The following SLIT2 variants were observed in gnomAD, a reference collection of about 807,000 sequenced individuals.
The protein encoded by SLIT2 is slit guidance ligand 2.
In SLIT2, 41 loss-of-function variants were observed where a neutral mutation model predicts 185.7. The observed-to-expected ratio is 0.22, with a 90% CI of 0.17 to 0.29. The LOEUF (loss-of-function observed/expected upper bound fraction) is 0.29, where lower values mean the gene tolerates loss of function less well. Among genes scored for constraint, SLIT2 ranks in the 10% least tolerant of loss-of-function variants. SLIT2 has a pLI of 1.00. For synonymous variants in SLIT2, 693 were observed against 680.2 expected (o/e 1.02, Z -0.29); for missense variants, 1,571 against 1,909.0 (o/e 0.82, Z 3.30).
At position 20,496,982 on chromosome 4, in the gene SLIT2, A is replaced by T. The variant is rs149632755; in HGVS notation, c.914+5083A>T. Among the ~76,000 whole-genome samples the T allele has an allele frequency of 1.0e-3, 159 of 152,300 alleles. 1 individual carries two copies. The highest frequency in any genetic ancestry group is 3.6e-3 in the African/African-American group (150 of 41,574). ...TAGAATTTTTAATAGCATGGGCCAAAATGGGTCTAGAATGCTAAAAATTCA... is the reference window on the plus strand; with the variant it reads ...TAGAATTTTTAATAGCATGGGCCAATATGGGTCTAGAATGCTAAAAATTCA... On this transcript the variant is annotated intron_variant, in intron 9 of 36. Transcript: ENST00000504154.
chr4:20,390,421 AATAATACAGAG>A, intron 4 of SLIT2, among the ~76,000 whole-genome samples: 2 of 152,144 alleles, frequency 1.3e-5, no homozygotes. Flanking sequence ...TGATAGGAAA[AATAATACAGAG>A]ATAACATTAG....
Position 20,618,925 on chromosome 4 carries a change from C to T in SLIT2, c.4506C>T (p.Tyr1502=), listed in dbSNP as rs1380212472. Residue 1502 remains tyrosine, a synonymous_variant, in exon 37 of 37, where the codon TAC becomes TAT. Transcript: ENST00000504154. ...CGPLRSKRRK[Y]SFECTDGSSF... ...CGCTGAGGAGCAAGCGGCGGAAATA[C>T]TCTTTCGAATGCACTGACGGCTCCT... 1 of 1,614,082 alleles carries T rather than the reference C, an allele frequency of 6.2e-7. No homozygotes were observed. Among genetic ancestry groups the T allele is most frequent in the East Asian group, 2.2e-5 (1 of 44,838 alleles).
At chr4:20,597,527 G>A (rs1162122522) in intron 32 of SLIT2, among the ~76,000 whole-genome samples, 1 of 152,146 alleles carries the variant, frequency 6.6e-6, no homozygotes, top group African/African-American at 2.4e-5. Context: ...AATAAATATA[G>A]TGTACATGGG....
intron 33 of SLIT2, among the ~76,000 whole-genome samples, chr4:20,599,726 G>A (rs533033624): frequency 1.1e-3 from 162 of 152,184 alleles, no homozygotes; most frequent in African/African-American, 3.7e-3. Context: ...AGATATCAGT[G>A]TGCATTTTTA....
chr4:20,287,403 A>G (rs973458872), intron 4 of SLIT2, among the ~76,000 whole-genome samples: 4 of 152,114 alleles, frequency 2.6e-5, no homozygotes, highest in Non-Finnish European at 5.9e-5. Flanking sequence ...TCTTCCCTGG[A>G]GTGTTTCTTC....
chr4:20,391,298 A>G (rs1478672865), intron 4 of SLIT2, among the ~76,000 whole-genome samples: 1 of 152,066 alleles, frequency 6.6e-6, no homozygotes, highest in Non-Finnish European at 1.5e-5. Flanking sequence ...GATATTCCTG[A>G]TGCATGAAAT....
chr4:20,290,827 T>C (rs1458471734), intron 4 of SLIT2, among the ~76,000 whole-genome samples: 1 of 152,112 alleles, frequency 6.6e-6, no homozygotes, highest in Admixed American at 6.5e-5. Flanking sequence ...TATCTTATTT[T>C]TTTCTGTATC....
intron 3 of SLIT2, 52 bp downstream of exon 3, chr4:20,257,991 A>C: frequency 1.1e-6 from 1 of 884,714 alleles, no homozygotes; most frequent in Admixed American, 2.3e-5. Context: ...TTTTTTAAAA[A>C]TACTTAAATT....
intron 4 of SLIT2, among the ~76,000 whole-genome samples, chr4:20,307,243 C>CTTCCTTCCTTCT (rs1358533720): frequency 2.2e-5 from 3 of 134,114 alleles, no homozygotes; most frequent in Non-Finnish European, 1.6e-5. Flanking sequence ...TCCTTCCTTC[C>CTTCCTTCCTTCT]TTCCTTCCTT....
intron 4 of SLIT2, among the ~76,000 whole-genome samples, chr4:20,304,809 C>A (rs1042777910): frequency 2.0e-5 from 3 of 152,114 alleles, no homozygotes; most frequent in African/African-American, 7.2e-5. Context: ...ACTGCCCACT[C>A]ACACCACAGA....
Position 20,589,718 on chromosome 4 carries a change from C to G in SLIT2, c.3163C>G (p.Leu1055Val), listed in dbSNP as rs1341302880. The change falls in exon 30 of 37, where the codon CTA (leucine) becomes GTA (valine). Residue 1055 changes from leucine (L) to valine (V), a missense_variant. Physicochemically the swap from Leu to Val is conservative, Grantham distance 32. Transcript: ENST00000504154. The stretch of plus-strand genomic sequence containing the variant: ...CTGCCAGCACGATTCAAAGTGCATC[C>G]TAACTCCAAAGGGATTCAAGTAAGT... ...NPCQHDSKCI[L>V]TPKGFKCDCT... 6.2e-7 allele frequency: 1 copy of G among 1,613,470 alleles called. No homozygotes were observed. Among genetic ancestry groups the G allele is most frequent in the Non-Finnish European group, 8.5e-7 (1 of 1,179,748 alleles).
chr4:20,491,976 G>C, intron 9 of SLIT2, 77 bp downstream of exon 9: 2 of 1,450,806 alleles, frequency 1.4e-6, no homozygotes, highest in Non-Finnish European at 1.9e-6. Flanking sequence ...GAAATTCTGA[G>C]TTTATCGAAG....
intron 33 of SLIT2, among the ~76,000 whole-genome samples, chr4:20,607,173 A>G (rs1027558726): frequency 2.8e-4 from 43 of 152,192 alleles, no homozygotes; most frequent in African/African-American, 1.0e-3. Context: ...TTCTCTTAAA[A>G]GGAAGAAAAA....
intron 9 of SLIT2, among the ~76,000 whole-genome samples, chr4:20,509,012 ACGCGTGTGTGTGTG>A (rs1473813414): frequency 6.6e-6 from 1 of 151,470 alleles, no homozygotes; most frequent in African/African-American, 2.4e-5. Flanking sequence ...ATTAAATGTT[ACGCGTGTGTGTGTG>A]CATGTGTGTG....
At chr4:20,411,878 G>A (rs905002625) in intron 4 of SLIT2, among the ~76,000 whole-genome samples, 12 of 152,126 alleles carry the variant, frequency 7.9e-5, no homozygotes, top group African/African-American at 1.7e-4. Flanking sequence ...CCTTGCCAGC[G>A]CAGGAAAGTG....
chr4:20,389,682 A>G (rs911437076), intron 4 of SLIT2, among the ~76,000 whole-genome samples: 1 of 152,122 alleles, frequency 6.6e-6, no homozygotes, highest in African/African-American at 2.4e-5. Flanking sequence ...CATAAGACTT[A>G]TCTGCAGCCA....
At chr4:20,462,004 T>G (rs2148731270) in intron 4 of SLIT2, among the ~76,000 whole-genome samples, 1 of 152,020 alleles carries the variant, frequency 6.6e-6, no homozygotes, top group South Asian at 2.1e-4. Flanking sequence ...TGGGGTGGTT[T>G]TGGGAATGAA....
chr4:20,331,907 T>TAGCAAATATTTTCAATGTTCTTTC (rs1300643751), intron 4 of SLIT2, among the ~76,000 whole-genome samples: 3 of 152,180 alleles, frequency 2.0e-5, no homozygotes, highest in Admixed American at 6.5e-5. Context: ...TTCTTTCACT[T>TAGCAAATATTTTCAATGTTCTTTC]AGCAAATATT....
At chr4:20,519,274 T>G in intron 11 of SLIT2, 108 bp from the exon 12 acceptor site, 1 of 670,566 alleles carries the variant, frequency 1.5e-6, no homozygotes, top group Non-Finnish European at 2.6e-6. Flanking sequence ...ACTTTTATGA[T>G]GTATTGATTG....
Sources: allele counts gnomAD v4.1 joint callset (sites outside exome capture counted in the v4.1 genomes callset), GRCh38; gene constraint gnomAD v4.1.1; transcripts MANE v1.5; gene names NCBI Gene and HGNC (gene_info 2026-07-23, HGNC 2026-07-21).